Variants in LUZP2 observed in about 807,000 individuals in gnomAD.
The protein encoded by LUZP2 is leucine zipper protein 2.
In LUZP2, 52 loss-of-function variants were observed where a neutral mutation model predicts 51.6. The observed-to-expected ratio is 1.01, with a 90% CI of 0.81 to 1.27. The LOEUF is 1.27. Among genes scored for constraint, LUZP2 ranks in the 50% most tolerant of loss-of-function variants. LUZP2 has a pLI of 0.00. For missense variants in LUZP2, 436 were observed against 395.4 expected (o/e 1.10, Z -0.87); for synonymous variants, 154 against 137.3 (o/e 1.12, Z -0.85).
At chr11:24,716,412 A>G (rs1858044887) in intron 1 of LUZP2, among the ~76,000 whole-genome samples, 1 of 152,252 alleles carries the variant, frequency 6.6e-6, no homozygotes, top group Non-Finnish European at 1.5e-5. Flanking sequence ...ATTCCATGAT[A>G]AGTGAGTCTA....
chr11:24,765,665 T>C (rs1860163362), intron 5 of LUZP2, among the ~76,000 whole-genome samples: 1 of 150,826 alleles, frequency 6.6e-6, no homozygotes, highest in Non-Finnish European at 1.5e-5. Context: ...TCTCACTCTG[T>C]TGCCCAGGCT....
chr11:24,550,695 A>G (rs1206266602), intron 1 of LUZP2, among the ~76,000 whole-genome samples: 1 of 152,132 alleles, frequency 6.6e-6, no homozygotes, highest in Non-Finnish European at 1.5e-5. Flanking sequence ...CTTATTCTCC[A>G]TGTAACACTC....
At chr11:24,613,452 A>G (rs1466657593) in intron 1 of LUZP2, among the ~76,000 whole-genome samples, 1 of 152,086 alleles carries the variant, frequency 6.6e-6, no homozygotes, top group Non-Finnish European at 1.5e-5. Context: ...CAAAATAATG[A>G]GCATATGTAG....
In LUZP2 at chr11:24,633,964, G is replaced by GTGTGTGTATATA. The variant is rs141308575; in HGVS notation, c.63-95204_63-95203insGTGTGTATATAT. Among the ~76,000 whole-genome samples the GTGTGTGTATATA allele has an allele frequency of 4.0e-5, 6 of 149,138 alleles. No homozygotes were observed. In the East Asian group the frequency reaches 5.9e-4, roughly 15 times the overall value. On this transcript the variant is annotated intron_variant, in intron 1 of 11. Transcript: ENST00000336930. ...CGTGTGTGTGTGTGTGTGTGTGTGT[G>GTGTGTGTATATA]TATATATAGTCTGTCTATTAAAGGA...
At chr11:24,669,010 T>G (rs1856310995) in intron 1 of LUZP2, among the ~76,000 whole-genome samples, 1 of 152,160 alleles carries the variant, frequency 6.6e-6, no homozygotes, top group East Asian at 1.9e-4. Context: ...CCAGAAAGTT[T>G]GGGTTTAAGC....
chr11:24,753,280 C>T (rs1257316133), intron 4 of LUZP2, among the ~76,000 whole-genome samples: 1 of 152,042 alleles, frequency 6.6e-6, no homozygotes, highest in African/African-American at 2.4e-5. Context: ...ATGACTAAGG[C>T]GAGAAATAGG....
intron 7 of LUZP2, among the ~76,000 whole-genome samples, chr11:24,944,983 T>C (rs1373572308): frequency 6.6e-6 from 1 of 152,196 alleles, no homozygotes; most frequent in African/African-American, 2.4e-5. Context: ...AGTTTTGAGT[T>C]TGAAGACACT....
chr11:24,712,496 A>G (rs1857872566), intron 1 of LUZP2, among the ~76,000 whole-genome samples: 1 of 152,174 alleles, frequency 6.6e-6, no homozygotes, highest in Non-Finnish European at 1.5e-5. Flanking sequence ...GATCTGTGAT[A>G]CAAAATTACT....
chr11:24,561,417 T>C (rs1225267409), intron 1 of LUZP2, among the ~76,000 whole-genome samples: 1 of 152,082 alleles, frequency 6.6e-6, no homozygotes, highest in African/African-American at 2.4e-5. Context: ...ATTTCACATA[T>C]AAGAAAAATG....
chr11:24,535,714 G>T lies in LUZP2; in HGVS notation c.62+38409G>T, dbSNP rs1295321595. Among the ~76,000 whole-genome samples the T allele has an allele frequency of 4.9e-4, 3 of 6,148 alleles. No homozygotes were observed. In the East Asian group the frequency reaches 0.018, roughly 37 times the overall value. 4.0% of individuals were successfully genotyped at this position (6,148 alleles called of 152,430 possible). On this transcript the variant is annotated intron_variant, in intron 1 of 11. Coordinates refer to ENST00000336930, the MANE Select transcript of LUZP2 (RefSeq NM_001009909.4). ...GAATTCCCCAAAGACATCCATGAGGGTTGGAATAAACTCCCAAACTCCTGT... is the reference window on the plus strand; with the variant it reads ...GAATTCCCCAAAGACATCCATGAGGTTTGGAATAAACTCCCAAACTCCTGT...
intron 5 of LUZP2, among the ~76,000 whole-genome samples, chr11:24,822,532 T>C (rs1431197972): frequency 1.3e-4 from 20 of 152,176 alleles, no homozygotes; most frequent in Admixed American, 1.3e-3. Flanking sequence ...TTTATAAGAA[T>C]GTCATTACAC....
At chr11:24,667,207 G>A (rs1424306801) in intron 1 of LUZP2, among the ~76,000 whole-genome samples, 6 of 128,132 alleles carry the variant, frequency 4.7e-5, no homozygotes, top group African/African-American at 1.3e-4. Context: ...TTTTTGAGAC[G>A]GAGTCTCACT....
chr11:24,559,074 G>T (rs1010809296), intron 1 of LUZP2, among the ~76,000 whole-genome samples: 2 of 152,106 alleles, frequency 1.3e-5, no homozygotes, highest in Non-Finnish European at 2.9e-5. Flanking sequence ...AACTGGCTGA[G>T]CATATATTAG....
In LUZP2 at chr11:24,762,796, C is replaced by T. The variant is rs188842500; in HGVS notation, c.334-450C>T. The T allele has an allele frequency of 2.2e-3, 347 of 155,632 alleles. 2 individuals carry two copies. Among genetic ancestry groups the T allele is most frequent in the Admixed American group, 9.3e-3 (142 of 15,276 alleles). 9.6% of individuals were successfully genotyped at this position (155,632 alleles called of 1,614,324 possible). A position where few individuals can be genotyped will look rare whatever the true frequency, so the allele number is the denominator to read the frequency against. On this transcript the variant is annotated intron_variant, in intron 4 of 11. Coordinates refer to ENST00000336930, the MANE Select transcript of LUZP2 (RefSeq NM_001009909.4). ...ATCATGGTGTCTTCGGTAGACTATT[C>T]TTAATGTCCCGTAGTTTTGAGGTAA...
chr11:24,618,666 C>T (rs1311155545), intron 1 of LUZP2, among the ~76,000 whole-genome samples: 3 of 152,234 alleles, frequency 2.0e-5, no homozygotes, highest in East Asian at 3.9e-4. Context: ...TAAACAATTA[C>T]GCAGCATTTA....
chr11:24,696,491 A>G (rs1425652312), intron 1 of LUZP2, among the ~76,000 whole-genome samples: 1 of 152,138 alleles, frequency 6.6e-6, no homozygotes, highest in Non-Finnish European at 1.5e-5. Context: ...GATGCTTTCA[A>G]AAATTGTATC....
intron 1 of LUZP2, among the ~76,000 whole-genome samples, chr11:24,548,404 A>G (rs1278952641): frequency 1.3e-5 from 2 of 152,088 alleles, no homozygotes; most frequent in Non-Finnish European, 2.9e-5. Flanking sequence ...CTTTGCTGCA[A>G]CATGGATGGC....
At chr11:25,060,636 T>C (rs554583716) in intron 10 of LUZP2, among the ~76,000 whole-genome samples, 1 of 152,204 alleles carries the variant, frequency 6.6e-6, no homozygotes, top group African/African-American at 2.4e-5. Context: ...ACAAATGAGA[T>C]AAAATGAGGT....
chr11:24,729,131 C>G (rs772035179), intron 1 of LUZP2, 38 bp from the exon 2 acceptor site: 1 of 1,126,254 alleles, frequency 8.9e-7, no homozygotes, highest in Non-Finnish European at 1.2e-6. Flanking sequence ...CAAGTGGAAC[C>G]ATTTGGGGGG....
Sources: gnomAD v4.1 joint callset for allele counts (sites outside exome capture counted in the v4.1 genomes callset) on GRCh38, gnomAD v4.1.1 for gene constraint, MANE v1.5 for transcripts, NCBI Gene and HGNC (gene_info 2026-07-23, HGNC 2026-07-21) for gene names.